The following CELF4 variants were observed in gnomAD, a reference collection of about 807,000 sequenced individuals.
CELF4 encodes the protein CUG-BP- and ETR-3-like factor 4.
In CELF4, 18 loss-of-function variants were observed where a neutral mutation model predicts 59.9. That is an observed-to-expected ratio of 0.30 (90% CI 0.21 to 0.45). The LOEUF is 0.45. CELF4 is among the 20% of genes least tolerant of loss of function. CELF4 has a pLI of 1.00. For synonymous variants in CELF4, 261 were observed against 267.1 expected (o/e 0.98, Z 0.22); for missense variants, 456 against 689.0 (o/e 0.66, Z 3.79).
In CELF4 at chr18:37,274,228, G is replaced by T. The variant is rs993894503; in HGVS notation, c.801+83C>A. 6 of 1,582,286 alleles carry T rather than the reference G, an allele frequency of 3.8e-6. No individual in the cohort carries two copies. In the Admixed American group the frequency reaches 5.7e-5, roughly 15 times the overall value. On this transcript the variant is annotated intron_variant, in intron 6 of 12. Transcript: ENST00000420428. ...GAGGGAGAGGGCAAGGGATAGAGTA[G>T]TATTTTCGGTTTCATGTCCCGCTCT... is the stretch of plus-strand genomic sequence containing the variant.
chr18:37,270,278 T>C (rs1021861769), intron 8 of CELF4, among the ~76,000 whole-genome samples: 1 of 152,254 alleles, frequency 6.6e-6, no homozygotes. Flanking sequence ...GCGTGCACCA[T>C]GATCGCGCTT....
intron 2 of CELF4, among the ~76,000 whole-genome samples, chr18:37,457,101 C>A (rs796134180): frequency 4.4e-4 from 67 of 152,298 alleles, no homozygotes; most frequent in African/African-American, 1.5e-3. Context: ...CTGCTTCTAT[C>A]ACTGGGTGCT....
intron 1 of CELF4, among the ~76,000 whole-genome samples, chr18:37,558,379 C>G (rs2099985479): frequency 2.0e-5 from 1 of 49,798 alleles, no homozygotes; most frequent in Non-Finnish European, 4.4e-5. Flanking sequence ...ACCCCTGTAA[C>G]AGTTTTTTTT....
intron 3 of CELF4, among the ~76,000 whole-genome samples, chr18:37,307,318 T>C (rs559804460): frequency 2.0e-5 from 3 of 152,288 alleles, no homozygotes; most frequent in African/African-American, 7.2e-5. Flanking sequence ...CTGTGATGAA[T>C]GGAGCCTGTG....
intron 3 of CELF4, among the ~76,000 whole-genome samples, chr18:37,276,771 A>T (rs1028920672): frequency 6.6e-6 from 1 of 152,194 alleles, no homozygotes; most frequent in Non-Finnish European, 1.5e-5. Context: ...CTAAATTGGT[A>T]TGCAGCCATA....
chr18:37,554,727 G>A (rs926728598), intron 1 of CELF4, among the ~76,000 whole-genome samples: 2 of 152,104 alleles, frequency 1.3e-5, no homozygotes, highest in East Asian at 1.9e-4. Context: ...GCCCAGACAC[G>A]GGGGTTCTCT....
intron 2 of CELF4, among the ~76,000 whole-genome samples, chr18:37,352,522 G>A (rs1378283763): frequency 6.6e-6 from 1 of 151,806 alleles, no homozygotes; most frequent in Non-Finnish European, 1.5e-5. Context: ...GAGGCCAGGA[G>A]TTCGAGACTG....
In CELF4 at chr18:37,461,141, C is replaced by A. The variant is rs1603641765; in HGVS notation, c.369+24384G>T. ...GACAGGAGCCACCCCACAGAAGCAA[C>A]TAGTTCACCACAGGTGTGGAGGCTG... On this transcript the variant is annotated intron_variant, in intron 2 of 12. Transcript: ENST00000420428. Among the ~76,000 whole-genome samples the A allele has an allele frequency of 3.9e-5, 6 of 152,196 alleles. No homozygotes were observed. The South Asian group carries it at 1.0e-3, about 26-fold the overall frequency.
At chr18:37,272,916 T>G in intron 7 of CELF4, 100 bp downstream of exon 7, 2 of 1,223,020 alleles carry the variant, frequency 1.6e-6, no homozygotes, top group Non-Finnish European at 2.3e-6. Context: ...CTATGTGCTT[T>G]TGCCACAGAA....
chr18:37,277,537 T>G, intron 3 of CELF4, among the ~76,000 whole-genome samples: 2 of 148,836 alleles, frequency 1.3e-5, no homozygotes, highest in African/African-American at 2.5e-5. Context: ...AGAAAGGGAG[T>G]GGGGGAGAGA....
chr18:37,456,967 GAT>G, intron 2 of CELF4, among the ~76,000 whole-genome samples: 1 of 152,288 alleles, frequency 6.6e-6, no homozygotes, highest in Non-Finnish European at 1.5e-5. Context: ...GGGACAGCCT[GAT>G]CTTCCTCTCC....
At chr18:37,482,575 C>T (rs758454229) in intron 2 of CELF4, among the ~76,000 whole-genome samples, 1 of 152,148 alleles carries the variant, frequency 6.6e-6, no homozygotes, top group African/African-American at 2.4e-5. Context: ...CTGGGAATCA[C>T]GTATCACTGA....
intron 1 of CELF4, among the ~76,000 whole-genome samples, chr18:37,538,701 A>G (rs2099975525): frequency 6.6e-6 from 1 of 152,278 alleles, no homozygotes; most frequent in African/African-American, 2.4e-5. Context: ...TTTAGATCCT[A>G]GAGGGCAGTG....
intron 1 of CELF4, among the ~76,000 whole-genome samples, chr18:37,540,743 C>T (rs985327714): frequency 1.3e-5 from 2 of 152,190 alleles, no homozygotes; most frequent in Non-Finnish European, 2.9e-5. Context: ...AGCAGTGGCC[C>T]TGGCAAGGGC....
intron 1 of CELF4, among the ~76,000 whole-genome samples, chr18:37,530,912 AAAG>A: frequency 6.6e-6 from 1 of 152,110 alleles, no homozygotes; most frequent in Non-Finnish European, 1.5e-5. Context: ...AAAAAAAAAA[AAAG>A]GACTGATAAG....
chr18:37,459,808 C>T (rs1043497108), intron 2 of CELF4, among the ~76,000 whole-genome samples: 3 of 152,150 alleles, frequency 2.0e-5, no homozygotes, highest in Admixed American at 1.3e-4. Context: ...ACTGGAACAC[C>T]CCAATCTATC....
intron 10 of CELF4, among the ~76,000 whole-genome samples, chr18:37,260,118 G>T (rs1047522685): frequency 5.9e-5 from 9 of 152,208 alleles, no homozygotes; most frequent in African/African-American, 1.2e-4. Context: ...GCCCAGAGAG[G>T]TTAAGTCACC....
chr18:37,522,356 T>G (rs1404251019), intron 1 of CELF4, among the ~76,000 whole-genome samples: 4 of 152,064 alleles, frequency 2.6e-5, no homozygotes, highest in Non-Finnish European at 5.9e-5. Context: ...ACAGGGACCA[T>G]GCATCTCCCT....
chr18:37,315,046 C>T (rs959503758), intron 3 of CELF4, among the ~76,000 whole-genome samples: 5 of 143,888 alleles, frequency 3.5e-5, no homozygotes, highest in African/African-American at 7.7e-5. Flanking sequence ...GTCTGTGTGT[C>T]GTGTGCTTTT....
Sources: allele counts gnomAD v4.1 joint callset (sites outside exome capture counted in the v4.1 genomes callset), GRCh38; gene constraint gnomAD v4.1.1; transcripts MANE v1.5; gene names NCBI Gene and HGNC (gene_info 2026-07-23, HGNC 2026-07-21).